The following ATG10 variants were observed in gnomAD, a reference collection of about 807,000 sequenced individuals.
ATG10 encodes the protein ubiquitin-like-conjugating enzyme ATG10.
A neutral mutation model predicts 32.1 loss-of-function variants in ATG10; 30 were observed. The ratio of observed to expected loss-of-function variants is 0.94; its 90% CI spans 0.70 to 1.27. ATG10 has a LOEUF of 1.27. Ranked by LOEUF, ATG10 falls within the 50% of genes most tolerant of loss-of-function variation. The pLI is 0.00. For synonymous variants in ATG10, 87 were observed against 91.5 expected (o/e 0.95, Z 0.28); for missense variants, 233 against 262.3 (o/e 0.89, Z 0.77).
At chr5:82,081,858 T>A (rs1468003022) in intron 3 of ATG10, among the ~76,000 whole-genome samples, 7 of 152,216 alleles carry the variant, frequency 4.6e-5, no homozygotes, top group Non-Finnish European at 7.3e-5. Context: ...GGTATCAGGA[T>A]GATGTTGGCC....
At chr5:82,026,251 C>T (rs1762591756) in intron 2 of ATG10, among the ~76,000 whole-genome samples, 1 of 152,182 alleles carries the variant, frequency 6.6e-6, no homozygotes, top group Non-Finnish European at 1.5e-5. Flanking sequence ...CCTTTTGTGA[C>T]TGGCTTGTTT....
intron 5 of ATG10, among the ~76,000 whole-genome samples, chr5:82,248,189 T>C (rs1749379945): frequency 6.6e-6 from 1 of 152,234 alleles, no homozygotes; most frequent in Non-Finnish European, 1.5e-5. Context: ...ACCCCTTCTG[T>C]GGCTGTCTTA....
chr5:82,085,874 A>G (rs938753475), intron 3 of ATG10, among the ~76,000 whole-genome samples: 9 of 152,122 alleles, frequency 5.9e-5, no homozygotes, highest in African/African-American at 2.2e-4. Flanking sequence ...AGACCCTCAA[A>G]ATACATTTAA....
intron 5 of ATG10, among the ~76,000 whole-genome samples, chr5:82,184,614 T>C (rs1462796906): frequency 6.6e-6 from 1 of 152,160 alleles, no homozygotes; most frequent in African/African-American, 2.4e-5. Context: ...TTGTGGGCCT[T>C]AGATACATTT....
At chr5:82,074,389 A>G (rs1018323774) in intron 3 of ATG10, among the ~76,000 whole-genome samples, 1 of 152,030 alleles carries the variant, frequency 6.6e-6, no homozygotes, top group African/African-American at 2.4e-5. Flanking sequence ...TTCTTTAAAT[A>G]TGTTATAGTT....
intron 3 of ATG10, among the ~76,000 whole-genome samples, chr5:82,080,342 G>A (rs1764431722): frequency 6.6e-6 from 1 of 152,162 alleles, no homozygotes; most frequent in South Asian, 2.1e-4. Flanking sequence ...AGTTTCTTTT[G>A]TTGTGCAGAA....
intron 5 of ATG10, among the ~76,000 whole-genome samples, chr5:82,231,963 G>C (rs1746383029): frequency 6.6e-6 from 1 of 152,002 alleles, no homozygotes. Flanking sequence ...ATAATATTTG[G>C]CACCATTCTA....
intron 3 of ATG10, among the ~76,000 whole-genome samples, chr5:82,149,619 T>TCTGCTGCCCAGAATC (rs1767508884): frequency 6.6e-6 from 1 of 151,160 alleles, no homozygotes; most frequent in Non-Finnish European, 1.5e-5. Flanking sequence ...TAAATACTAC[T>TCTGCTGCCCAGAATC]CTGCTGCCCA....
At chr5:82,160,202 C>G (rs1381763787) in intron 3 of ATG10, among the ~76,000 whole-genome samples, 1 of 152,150 alleles carries the variant, frequency 6.6e-6, no homozygotes. Flanking sequence ...TCCAGTCCCC[C>G]AACACTAATC....
At chr5:82,065,974 T>A (rs889472617) in intron 3 of ATG10, among the ~76,000 whole-genome samples, 1 of 152,118 alleles carries the variant, frequency 6.6e-6, no homozygotes, top group African/African-American at 2.4e-5. Flanking sequence ...AAATAAGGTG[T>A]AAGTTTTTTT....
chr5:82,238,833 C>T (rs7733620), intron 5 of ATG10, among the ~76,000 whole-genome samples: 87,152 of 151,928 alleles, frequency 0.57, 27,154 homozygotes, highest in African/African-American at 0.8. Flanking sequence ...TATTTGAGTC[C>T]GCTTCTTAGT....
intron 5 of ATG10, among the ~76,000 whole-genome samples, chr5:82,211,447 C>G (rs1409778789): frequency 6.6e-6 from 1 of 152,166 alleles, no homozygotes; most frequent in Non-Finnish European, 1.5e-5. Flanking sequence ...TCCTCTGACC[C>G]TGTTTCCCAG....
At chr5:82,081,894 T>C (rs1764495137) in intron 3 of ATG10, among the ~76,000 whole-genome samples, 2 of 152,208 alleles carry the variant, frequency 1.3e-5, no homozygotes, top group South Asian at 4.1e-4. Context: ...GGGAGGATTC[T>C]GTCTTTTTCT....
chr5:81,993,393 T>TTTTTCTTTTCTTTTCTTTTCTTTTC (rs1554039364), intron 2 of ATG10, among the ~76,000 whole-genome samples: 1 of 105,668 alleles, frequency 9.5e-6, no homozygotes, highest in Non-Finnish European at 1.8e-5. Flanking sequence ...CTTTTCTTTT[T>TTTTTCTTTTCTTTTCTTTTCTTTTC]TTTTCTTTTC....
intron 4 of ATG10, among the ~76,000 whole-genome samples, chr5:82,164,995 A>G (rs1278278310): frequency 6.6e-6 from 1 of 152,252 alleles, no homozygotes; most frequent in Non-Finnish European, 1.5e-5. Context: ...TAAAAATAGC[A>G]CTAACATTTC....
At chr5:82,247,383 C>G (rs1747080419) in intron 5 of ATG10, among the ~76,000 whole-genome samples, 1 of 152,120 alleles carries the variant, frequency 6.6e-6, no homozygotes, top group South Asian at 2.1e-4. Context: ...TTCAAATCCA[C>G]TAATTCTTTC....
intron 3 of ATG10, among the ~76,000 whole-genome samples, chr5:82,162,089 A>G (rs989231853): frequency 9.9e-5 from 15 of 152,150 alleles, no homozygotes; most frequent in African/African-American, 3.6e-4. Flanking sequence ...ATATATGTAT[A>G]TATTTCACAC....
At chr5:82,089,487 G>C (rs1764808541) in intron 3 of ATG10, among the ~76,000 whole-genome samples, 1 of 152,186 alleles carries the variant, frequency 6.6e-6, no homozygotes, top group Non-Finnish European at 1.5e-5. Context: ...TGTGAAAAGA[G>C]AGCCATTTCA....
At chr5:82,168,923 A>T (rs1032657530) in intron 4 of ATG10, among the ~76,000 whole-genome samples, 2 of 152,178 alleles carry the variant, frequency 1.3e-5, no homozygotes, top group African/African-American at 4.8e-5. Flanking sequence ...AAGCCGAAGA[A>T]TAAAAGTAGA....
Sources: gnomAD v4.1 joint callset for allele counts (sites outside exome capture counted in the v4.1 genomes callset) on GRCh38, gnomAD v4.1.1 for gene constraint, MANE v1.5 for transcripts, NCBI Gene and HGNC (gene_info 2026-07-23, HGNC 2026-07-21) for gene names.